MOV10: variants seen among roughly 807,000 people sequenced by gnomAD.
MOV10 encodes the protein RNA helicase MOV-10.
MOV10 carries 39 observed loss-of-function variants against 108.4 expected under a neutral mutation model. That is an observed-to-expected ratio of 0.36 (90% CI 0.28 to 0.47). The LOEUF (loss-of-function observed/expected upper bound fraction) is 0.47, where lower values mean the gene tolerates loss of function less well. Among genes scored for constraint, MOV10 ranks in the 20% least tolerant of loss-of-function variants. The probability of loss-of-function intolerance (pLI) is 1.00; values close to 1 mark genes in which losing one functional copy is unlikely to be tolerated. For synonymous variants in MOV10, 490 were observed against 523.1 expected, an observed-to-expected ratio of 0.94 and a Z score of 0.86; for missense variants, 952 against 1,297.6, an observed-to-expected ratio of 0.73 and a Z score of 4.09.
chr1:112,684,262 ATTT>A (rs71084487), intron 2 of MOV10, among the ~76,000 whole-genome samples: 6 of 93,830 alleles, frequency 6.4e-5, no homozygotes, highest in Admixed American at 1.2e-4. Flanking sequence ...AGTCCCTGGG[ATTT>A]TTTTTTTTTT....
chr1:112,681,617 A>C (rs553882259), intron 2 of MOV10, among the ~76,000 whole-genome samples: 1 of 152,232 alleles, frequency 6.6e-6, no homozygotes, highest in Admixed American at 6.5e-5. Context: ...ATCATACTAT[A>C]ATAAATTTTA....
At chr1:112,691,534 T>C (rs1472662009) in intron 5 of MOV10, 131 bp from the exon 6 acceptor site, 8 of 1,142,384 alleles carry the variant, frequency 7.0e-6, no homozygotes, top group Non-Finnish European at 8.7e-6. Context: ...TAGTCCACCC[T>C]TGGAGCGAGG....
chr1:112,688,868 C>A, intron 2 of MOV10, 67 bp from the exon 3 acceptor site: 1 of 1,604,168 alleles, frequency 6.2e-7, no homozygotes, highest in Non-Finnish European at 8.5e-7. Flanking sequence ...TGCCCTTTCC[C>A]ACCCGCCGCC....
chr1:112,689,786 AAGGAT>A, intron 4 of MOV10, 49 bp from the exon 5 acceptor site: 7 of 1,595,628 alleles, frequency 4.4e-6, no homozygotes, highest in Non-Finnish European at 6.0e-6. Context: ...TGTCCGGGAT[AAGGAT>A]ATGGGTGGGA....
chr1:112,696,893 T>A (rs761670387), intron 14 of MOV10, 47 bp downstream of exon 14: 3 of 1,469,072 alleles, frequency 2.0e-6, no homozygotes, highest in Non-Finnish European at 1.9e-6. Flanking sequence ...TGCTTTCACA[T>A]CCTGCATGCA....
intron 2 of MOV10, chr1:112,687,045 C>CTT: frequency 2.2e-6 from 1 of 456,494 alleles, no homozygotes; most frequent in South Asian, 1.5e-5. Flanking sequence ...CACTCCCCTG[C>CTT]TTAAAACCCA....
chr1:112,689,822 T>G lies in MOV10; in HGVS notation c.578-18T>G. 1.2e-6 allele frequency: 2 copies of G among 1,611,012 alleles called. No individual in the cohort carries two copies. The highest frequency in any genetic ancestry group is 8.5e-7 in the Non-Finnish European group (1 of 1,177,854). On this transcript the variant is annotated intron_variant, in intron 4 of 20. Transcript: ENST00000369645. ...TGGGAGGGTCCCTACCCCCATTCAC[T>G]CATCCATTCTCCTCCAGGTGAATGC...
At chr1:112,693,006 A>G in intron 7 of MOV10, 77 bp downstream of exon 7, 1 of 1,380,638 alleles carries the variant, frequency 7.2e-7, no homozygotes, top group Non-Finnish European at 9.9e-7. Flanking sequence ...ACTATTCCTG[A>G]CAGCAGGGCA....
intron 13 of MOV10, 47 bp downstream of exon 13, chr1:112,696,581 G>A (rs777670608): frequency 1.9e-6 from 3 of 1,611,150 alleles, no homozygotes; most frequent in African/African-American, 1.3e-5. Context: ...GTGTGGGTCA[G>A]AGAGGTTGCA....
intron 3 of MOV10, 51 bp downstream of exon 3, chr1:112,689,189 G>A (rs1570778547): frequency 2.0e-6 from 3 of 1,521,164 alleles, no homozygotes; most frequent in Non-Finnish European, 2.7e-6. Flanking sequence ...AGGGTGTGAG[G>A]GAAGGGGGCT....
intron 17 of MOV10, chr1:112,699,302 C>T (rs1421699245): frequency 6.7e-6 from 2 of 296,778 alleles, no homozygotes; most frequent in African/African-American, 4.4e-5. Context: ...TGCTCTAAGA[C>T]TTACAGGCCT....
chr1:112,691,479 A>G (rs1673580734), intron 5 of MOV10, among the ~76,000 whole-genome samples, 186 bp from the exon 6 acceptor site: 2 of 152,128 alleles, frequency 1.3e-5, no homozygotes, highest in Admixed American at 6.5e-5. Context: ...TACTTAGATA[A>G]TAGTTTTAAA....
intron 3 of MOV10, 87 bp downstream of exon 3, chr1:112,689,225 C>A: frequency 7.1e-7 from 1 of 1,401,770 alleles, no homozygotes; most frequent in Non-Finnish European, 9.9e-7. Context: ...GAGTGGGTTA[C>A]ACAAGTGGGA....
chr1:112,697,856 T>C, intron 14 of MOV10, 138 bp from the exon 15 acceptor site: 1 of 708,398 alleles, frequency 1.4e-6, no homozygotes. Context: ...GCAGATATTA[T>C]GGAGGAGTGT....
chr1:112,694,423 C>G lies in MOV10; in HGVS notation c.1296-30C>G. On this transcript the variant is annotated intron_variant, in intron 8 of 20. Transcript: ENST00000369645. The surrounding 1 kb of genome is among the most constrained non-coding windows in gnomAD (Gnocchi z 4.1). ...TTATTGCCCACCTCCCCTGCCCCAA[C>G]AAACTCTTACCACCTCTCTCTGCCC... 6.2e-7 allele frequency: 1 copy of G among 1,613,348 alleles called. No homozygotes were observed. Among genetic ancestry groups the G allele is most frequent in the Non-Finnish European group, 8.5e-7 (1 of 1,179,858 alleles).
chr1:112,689,009 A>G lies in MOV10; in HGVS notation c.212A>G (p.Lys71Arg), dbSNP rs1425963286. ...ATTGCAAATCTGGCCTACGTCACCA[A>G]GACTCGGGTCAGGTTCTTCAGACTC... The part of the protein sequence containing the change: ...MKIANLAYVT[K>R]TRVRFFRLDR... The change falls in exon 3 of 21, where the codon AAG becomes AGG. Residue 71 changes from lysine (K) to arginine (R), a missense_variant. Physicochemically the swap from Lys to Arg is conservative, Grantham distance 26. This residue lies in a region of MOV10 where 374 missense variants were observed against 468.6 expected (regional missense o/e 0.80). Transcript: ENST00000369645. 2.9e-5 allele frequency: 47 copies of G among 1,612,486 alleles called. No individual in the cohort carries two copies. Among genetic ancestry groups the G allele is most frequent in the Non-Finnish European group, 3.8e-5 (45 of 1,180,036 alleles).
chr1:112,689,248 C>T, intron 3 of MOV10, 110 bp downstream of exon 3: 3 of 1,281,180 alleles, frequency 2.3e-6, no homozygotes, highest in East Asian at 2.5e-5. Flanking sequence ...AAGTCCCCCT[C>T]CTTCAGGGAA....
At chr1:112,683,925 TTG>T (rs1213031512) in intron 2 of MOV10, among the ~76,000 whole-genome samples, 1 of 152,102 alleles carries the variant, frequency 6.6e-6, no homozygotes, top group Non-Finnish European at 1.5e-5. Context: ...TTGTGGGGTT[TTG>T]TTTTATCTTT....
chr1:112,691,043 C>G (rs1167948151), intron 5 of MOV10, among the ~76,000 whole-genome samples: 1 of 151,814 alleles, frequency 6.6e-6, no homozygotes, highest in African/African-American at 2.4e-5. Flanking sequence ...TTTTGGGAGG[C>G]TGAGGCGGGC....
Sources: allele counts gnomAD v4.1 joint callset (sites outside exome capture counted in the v4.1 genomes callset), GRCh38; gene constraint gnomAD v4.1.1; regional missense constraint gnomAD v4.1.1; non-coding constraint Gnocchi (gnomAD v3.1); transcripts MANE v1.5; gene names NCBI Gene and HGNC (gene_info 2026-07-23, HGNC 2026-07-21).